Variants in SETBP1 observed in about 807,000 individuals in gnomAD.
The protein encoded by SETBP1 is SET-binding protein.
SETBP1 carries 9 observed loss-of-function variants against 101.0 expected under a neutral mutation model. The observed-to-expected ratio is 0.09, with a 90% CI of 0.05 to 0.16. SETBP1 has a LOEUF of 0.16. Ranked by LOEUF, SETBP1 falls within the 10% of genes least tolerant of loss-of-function variation. SETBP1 has a pLI of 1.00. For missense variants in SETBP1, 1,858 were observed against 2,033.8 expected, an observed-to-expected ratio of 0.91 and a Z score of 1.66; for synonymous variants, 818 against 788.5, an observed-to-expected ratio of 1.04 and a Z score of -0.63.
intron 4 of SETBP1, among the ~76,000 whole-genome samples, chr18:45,031,610 G>GTAGTTAGTGCAGTTTCC (rs1421690005): frequency 6.6e-6 from 1 of 152,168 alleles, no homozygotes; most frequent in African/African-American, 2.4e-5. Flanking sequence ...GTAGGCTAAA[G>GTAGTTAGTGCAGTTTCC]TAGTTAGTGC....
Position 45,055,874 on chromosome 18 carries a change from G to A in SETBP1, c.4172-7205G>A, listed in dbSNP as rs541639710. Reference sequence around the variant, plus strand: ...ATTTGCAGATTAAAGGGATTTTATAGGTTATATTATTTTCAGCAACAAAAT... The same window carrying A: ...ATTTGCAGATTAAAGGGATTTTATAAGTTATATTATTTTCAGCAACAAAAT... On this transcript the variant is annotated intron_variant, in intron 5 of 5. Coordinates refer to ENST00000649279, the MANE Select transcript of SETBP1 (RefSeq NM_015559.3). Among the ~76,000 whole-genome samples, 31 of 152,264 alleles carry A rather than the reference G, an allele frequency of 2.0e-4. 1 individual carries two copies. Among genetic ancestry groups the A allele is most frequent in the Admixed American group, 1.8e-3 (27 of 15,298 alleles).
At chr18:44,897,777 T>C (rs1441301969) in intron 3 of SETBP1, among the ~76,000 whole-genome samples, 3 of 152,194 alleles carry the variant, frequency 2.0e-5, no homozygotes, top group Admixed American at 6.5e-5. Flanking sequence ...GCTCTAGTGC[T>C]AATGGGGGAA....
chr18:45,048,437 C>A (rs922735411), intron 5 of SETBP1, among the ~76,000 whole-genome samples: 4 of 152,114 alleles, frequency 2.6e-5, no homozygotes, highest in African/African-American at 9.7e-5. Flanking sequence ...CACAATTTAG[C>A]CATGTGATGA....
At chr18:44,782,741 A>G (rs139866511) in intron 2 of SETBP1, among the ~76,000 whole-genome samples, 85 of 152,198 alleles carry the variant, frequency 5.6e-4, no homozygotes, top group African/African-American at 2.0e-3. Flanking sequence ...AAATATGTCT[A>G]GGTCAGTCTG....
chr18:44,877,188 A>G (rs2069426287), intron 3 of SETBP1: 3 of 871,074 alleles, frequency 3.4e-6, no homozygotes, highest in African/African-American at 1.8e-5. Flanking sequence ...CTGGTCCACC[A>G]TGGGATACAT....
chr18:45,056,119 C>A (rs566257092), intron 5 of SETBP1, among the ~76,000 whole-genome samples: 1 of 152,082 alleles, frequency 6.6e-6, no homozygotes, highest in South Asian at 2.1e-4. Flanking sequence ...AAGAAAATTG[C>A]CAAATTCATC....
intron 2 of SETBP1, among the ~76,000 whole-genome samples, chr18:44,859,722 C>T (rs900042832): frequency 5.3e-5 from 8 of 152,284 alleles, no homozygotes; most frequent in Admixed American, 3.9e-4. Context: ...CCTGAAAAAT[C>T]ATAGTGACTT....
intron 2 of SETBP1, among the ~76,000 whole-genome samples, chr18:44,713,032 T>C (rs929171732): frequency 4.8e-5 from 7 of 146,650 alleles, no homozygotes; most frequent in South Asian, 4.5e-4. Context: ...GATCTCTGCT[T>C]ACTGCAAGCT....
intron 2 of SETBP1, among the ~76,000 whole-genome samples, chr18:44,705,503 T>C (rs186561722): frequency 1.3e-5 from 2 of 152,314 alleles, no homozygotes; most frequent in Admixed American, 1.3e-4. Context: ...GTTTGGAGGC[T>C]GGGGGGAATT....
At chr18:44,948,978 T>C (rs2071273951) in intron 3 of SETBP1, among the ~76,000 whole-genome samples, 1 of 144,486 alleles carries the variant, frequency 6.9e-6, no homozygotes, top group African/African-American at 2.5e-5. Context: ...TGATCTTGAA[T>C]GACAACTATT....
chr18:44,995,078 T>C (rs901091880), intron 4 of SETBP1, among the ~76,000 whole-genome samples: 4 of 151,994 alleles, frequency 2.6e-5, no homozygotes, highest in African/African-American at 9.7e-5. Context: ...GTCAAAGGTA[T>C]TGGCAATATA....
chr18:44,924,235 A>G (rs1311822190), intron 3 of SETBP1, among the ~76,000 whole-genome samples: 6 of 152,154 alleles, frequency 3.9e-5, no homozygotes, highest in Non-Finnish European at 4.4e-5. Context: ...TTGTGATTCT[A>G]GTTCCCCAGG....
At chr18:44,891,959 C>T (rs909584379) in intron 3 of SETBP1, among the ~76,000 whole-genome samples, 2 of 152,080 alleles carry the variant, frequency 1.3e-5, no homozygotes, top group South Asian at 2.1e-4. Flanking sequence ...CAGATATATT[C>T]ATCAAACCCA....
At chr18:44,699,466 C>T (rs966279285) in intron 1 of SETBP1, among the ~76,000 whole-genome samples, 1 of 152,160 alleles carries the variant, frequency 6.6e-6, no homozygotes, top group African/African-American at 2.4e-5. Context: ...GCAGATAAAT[C>T]TAGATGAGAC....
intron 3 of SETBP1, among the ~76,000 whole-genome samples, chr18:44,945,317 C>G (rs1038918236): frequency 2.0e-5 from 3 of 152,166 alleles, no homozygotes; most frequent in Non-Finnish European, 2.9e-5. Flanking sequence ...TGGGCACACA[C>G]TTTAAATGTA....
chr18:45,053,990 G>T (rs1337466025), intron 5 of SETBP1, among the ~76,000 whole-genome samples: 1 of 152,186 alleles, frequency 6.6e-6, no homozygotes, highest in Non-Finnish European at 1.5e-5. Flanking sequence ...AACAGATGTA[G>T]CTTCAAACTT....
intron 5 of SETBP1, among the ~76,000 whole-genome samples, chr18:45,045,107 C>A (rs1599488993): frequency 6.6e-6 from 1 of 151,674 alleles, no homozygotes. Flanking sequence ...CGTGGTGAAA[C>A]CCCGTCTTTA....
At chr18:44,970,952 G>T (rs930596752) in intron 4 of SETBP1, among the ~76,000 whole-genome samples, 6 of 151,830 alleles carry the variant, frequency 4.0e-5, no homozygotes, top group Non-Finnish European at 2.9e-5. Context: ...GTGCCATGTT[G>T]GTGTGCTGCA....
chr18:44,744,146 T>C (rs1358628080), intron 2 of SETBP1, among the ~76,000 whole-genome samples: 4 of 152,200 alleles, frequency 2.6e-5, no homozygotes, highest in African/African-American at 9.7e-5. Context: ...ATTTCTGACA[T>C]CCAGGAAAAG....
Sources: gnomAD v4.1 joint callset for allele counts (sites outside exome capture counted in the v4.1 genomes callset) on GRCh38, gnomAD v4.1.1 for gene constraint, MANE v1.5 for transcripts, NCBI Gene and HGNC (gene_info 2026-07-23, HGNC 2026-07-21) for gene names.